The following NTNG2 variants were observed in gnomAD, a reference collection of about 807,000 sequenced individuals.
NTNG2 encodes the protein netrin-G2.
Under a neutral mutation model 47.6 loss-of-function variants are expected in NTNG2, and 15 were observed. The observed-to-expected ratio is 0.32, with a 90% CI of 0.21 to 0.49. The LOEUF is 0.49. Ranked by LOEUF, NTNG2 falls within the 20% of genes least tolerant of loss-of-function variation. The pLI is 0.99. For synonymous variants in NTNG2, 307 were observed against 324.6 expected, an observed-to-expected ratio of 0.95 and a Z score of 0.58; for missense variants, 578 against 764.6, an observed-to-expected ratio of 0.76 and a Z score of 2.88.
At chr9:132,187,900 G>A (rs757634343) in intron 2 of NTNG2, among the ~76,000 whole-genome samples, 26 of 152,320 alleles carry the variant, frequency 1.7e-4, no homozygotes, top group Non-Finnish European at 3.7e-4. Context: ...GGTCAGAGGC[G>A]GACAGCCCAC....
intron 2 of NTNG2, among the ~76,000 whole-genome samples, chr9:132,193,619 G>A (rs1838058515): frequency 6.6e-6 from 1 of 152,106 alleles, no homozygotes; most frequent in South Asian, 2.1e-4. Context: ...CCAGGCTGGT[G>A]GAGGAGACCC....
In NTNG2 at chr9:132,194,291, A is replaced by C. The variant is rs1589431969; in HGVS notation, c.214-3675A>C. Among the ~76,000 whole-genome samples, 3 of 152,230 alleles carry C rather than the reference A, an allele frequency of 2.0e-5. No individual in the cohort carries two copies. The South Asian group carries it at 6.2e-4, about 32-fold the overall frequency. On this transcript the variant is annotated intron_variant, in intron 2 of 7. Coordinates refer to ENST00000393229, the MANE Select transcript of NTNG2 (RefSeq NM_032536.4). Reference sequence around the variant, plus strand: ...TCACTCCTCCTCCCGAGCGGCACAGACAGAGCCCATTCTGCATCCAGGCTC... The same window carrying C: ...TCACTCCTCCTCCCGAGCGGCACAGCCAGAGCCCATTCTGCATCCAGGCTC...
intron 3 of NTNG2, among the ~76,000 whole-genome samples, chr9:132,205,471 G>A (rs941946337): frequency 6.6e-5 from 10 of 152,200 alleles, no homozygotes; most frequent in African/African-American, 2.4e-4. Context: ...CGGAATGGGG[G>A]TTAGTATTTA....
intron 2 of NTNG2, among the ~76,000 whole-genome samples, chr9:132,178,766 C>A (rs1589386420): frequency 6.8e-6 from 1 of 146,832 alleles, no homozygotes. Context: ...CATGGTGAAA[C>A]CCCATCTCTA....
Position 132,241,888 on chromosome 9 carries a change from A to T in NTNG2, c.1370A>T (p.Asp457Val). ...CCTCCGCCTGCAGCCAACGTGTGCG[A>T]CGACGACCAGCTGCTGTGCCAGAAC... The part of the protein sequence containing the change: ...WRQGCYPNVC[D>V]DDQLLCQNGG... The change falls in exon 8 of 8, where the codon GAC becomes GTC. Residue 457 changes from aspartate (D) to valine (V), a missense_variant. Coordinates refer to ENST00000393229, the MANE Select transcript of NTNG2 (RefSeq NM_032536.4). The T allele has an allele frequency of 6.4e-7, 1 of 1,574,586 alleles. No homozygotes were observed. Among genetic ancestry groups the T allele is most frequent in the Non-Finnish European group, 8.6e-7 (1 of 1,166,954 alleles).
chr9:132,166,198 T>G (rs1441227495), intron 1 of NTNG2, 151 bp from the exon 2 acceptor site: 1 of 156,436 alleles, frequency 6.4e-6, no homozygotes, highest in Non-Finnish European at 1.4e-5. Flanking sequence ...TAGCTTTTCA[T>G]TCTAGTCCAG....
chr9:132,241,631 G>A (rs1352377912), intron 7 of NTNG2: 5 of 513,510 alleles, frequency 9.7e-6, no homozygotes, highest in South Asian at 4.6e-5. Flanking sequence ...CGCGTCTGAA[G>A]AACAGCACCG....
intron 3 of NTNG2, among the ~76,000 whole-genome samples, chr9:132,216,377 T>A (rs566327911): frequency 1.4e-4 from 20 of 147,718 alleles, no homozygotes; most frequent in African/African-American, 5.1e-4. Context: ...GGCTGCTGAC[T>A]CAGCCTCTCT....
At chr9:132,199,462 G>A (rs1336096830) in intron 3 of NTNG2, among the ~76,000 whole-genome samples, 1 of 152,232 alleles carries the variant, frequency 6.6e-6, no homozygotes, top group Non-Finnish European at 1.5e-5. Context: ...CTCTCCCAGT[G>A]GGGTTGTGCA....
intron 5 of NTNG2, among the ~76,000 whole-genome samples, chr9:132,235,671 G>C (rs1405193939): frequency 6.6e-6 from 1 of 152,152 alleles, no homozygotes; most frequent in African/African-American, 2.4e-5. Flanking sequence ...GCCATCTACG[G>C]CTGCCCCTCT....
In NTNG2 at chr9:132,167,118, C is replaced by T. The variant is rs531963964; in HGVS notation, c.213+74C>T. ...GTCTGGAGGAGATCCTTGGGGTGGACGAGCAGAGCTGGAGGACTGAGATGC... is the reference window on the plus strand; with the variant it reads ...GTCTGGAGGAGATCCTTGGGGTGGATGAGCAGAGCTGGAGGACTGAGATGC... On this transcript the variant is annotated intron_variant, in intron 2 of 7. Coordinates refer to ENST00000393229, the MANE Select transcript of NTNG2 (RefSeq NM_032536.4). 2.0e-4 allele frequency: 303 copies of T among 1,508,738 alleles called. No individual in the cohort carries two copies. In the African/African-American group the frequency reaches 3.9e-3, roughly 19 times the overall value. The allele number at this position is 1,508,738 out of a possible 1,614,324, so 93.5% of individuals were successfully genotyped here.
At chr9:132,214,055 G>A (rs376256128) in intron 3 of NTNG2, among the ~76,000 whole-genome samples, 5 of 152,310 alleles carry the variant, frequency 3.3e-5, no homozygotes, top group Non-Finnish European at 7.4e-5. Context: ...CCTTTGCAGA[G>A]AGCCAGCCCT....
At chr9:132,164,701 C>T (rs1416859690) in intron 1 of NTNG2, among the ~76,000 whole-genome samples, 1 of 152,268 alleles carries the variant, frequency 6.6e-6, no homozygotes, top group Non-Finnish European at 1.5e-5. Flanking sequence ...GGCTCTGTAA[C>T]AGGTTCCCCT....
At chr9:132,192,153 A>AC (rs1262872417) in intron 2 of NTNG2, among the ~76,000 whole-genome samples, 1 of 151,524 alleles carries the variant, frequency 6.6e-6, no homozygotes, top group Non-Finnish European at 1.5e-5. Context: ...GCAAACCTTC[A>AC]CCCCCACTCA....
At chr9:132,216,173 G>A (rs1183962866) in intron 3 of NTNG2, among the ~76,000 whole-genome samples, 2 of 152,180 alleles carry the variant, frequency 1.3e-5, no homozygotes, top group Non-Finnish European at 2.9e-5. Flanking sequence ...CTTTAACCCA[G>A]CAGGTGCTCC....
Position 132,241,872 on chromosome 9 carries a change from G to A in NTNG2, c.1358-4G>A. 6.4e-7 allele frequency: 1 copy of A among 1,563,632 alleles called. No homozygotes were observed. On this transcript the variant is annotated splice_region_variant and splice_polypyrimidine_tract_variant and intron_variant, in intron 7 of 7. Coordinates refer to ENST00000393229, the MANE Select transcript of NTNG2 (RefSeq NM_032536.4). ...CCCGTGCTGACCGCCCCCTCCGCCT[G>A]CAGCCAACGTGTGCGACGACGACCA...
At chr9:132,241,354 C>T in intron 7 of NTNG2, 1 of 446,570 alleles carries the variant, frequency 2.2e-6, no homozygotes, top group South Asian at 2.8e-5. Flanking sequence ...CGAGACGGAG[C>T]TGGCAGGTGG....
In NTNG2 at chr9:132,231,564, C is replaced by A; in HGVS notation, c.1054+969C>A. On this transcript the variant is annotated intron_variant, in intron 5 of 7. Transcript: ENST00000393229. The surrounding 1 kb of genome is among the most constrained non-coding windows in gnomAD (Gnocchi z 4.1). ...CCTGCAGGGACGCTGGTCTGCACAG[C>A]CGTCGTAAGTTGCTTCTCTGTGGTG... 1 of 327,376 alleles carries A rather than the reference C, an allele frequency of 3.1e-6. No homozygotes were observed. The highest frequency in any genetic ancestry group is 6.0e-6 in the Non-Finnish European group (1 of 165,642). 20.3% of individuals were successfully genotyped at this position (327,376 alleles called of 1,614,324 possible).
Position 132,241,018 on chromosome 9 carries a change from C to G in NTNG2, c.1331C>G (p.Thr444Arg). ...AGPKCDDCLP[T>R]HYWRQGCYPN... ...CCCAAGTGCGACGACTGCCTCCCCA[C>G]GCACTACTGGCGCCAGGGCTGCTAC... The change falls in exon 7 of 8, where the codon ACG becomes AGG. Residue 444 changes from threonine (T) to arginine (R), a missense_variant. Thr to Arg is a moderately conservative substitution (Grantham distance 71, BLOSUM62 -1). Coordinates refer to ENST00000393229, the MANE Select transcript of NTNG2 (RefSeq NM_032536.4). The G allele has an allele frequency of 1.9e-6, 3 of 1,607,144 alleles. No individual in the cohort carries two copies. Among genetic ancestry groups the G allele is most frequent in the East Asian group, 4.5e-5 (2 of 44,804 alleles).
Sources: gnomAD v4.1 joint callset for allele counts (sites outside exome capture counted in the v4.1 genomes callset) on GRCh38, gnomAD v4.1.1 for gene constraint, Gnocchi (gnomAD v3.1) non-coding constraint, MANE v1.5 for transcripts, NCBI Gene and HGNC (gene_info 2026-07-23, HGNC 2026-07-21) for gene names.